Variants in MDGA2 observed in about 807,000 individuals in gnomAD.
MDGA2 encodes the protein MAM domain-containing glycosylphosphatidylinositol anchor protein 2.
MDGA2 carries 40 observed loss-of-function variants against 117.8 expected under a neutral mutation model. The ratio of observed to expected loss-of-function variants is 0.34; its 90% CI spans 0.26 to 0.44. MDGA2 has a LOEUF of 0.44. MDGA2 is among the 20% of genes least tolerant of loss of function. MDGA2 has a pLI of 1.00. For synonymous variants in MDGA2, 452 were observed against 439.0 expected (o/e 1.03, Z -0.37); for missense variants, 1,123 against 1,250.6 (o/e 0.90, Z 1.54).
intron 7 of MDGA2, chr14:47,058,802 C>T: frequency 3.0e-6 from 3 of 985,594 alleles, no homozygotes; most frequent in Non-Finnish European, 3.6e-6. Flanking sequence ...GCATCATCTT[C>T]TGTAGGCCTT....
chr14:47,202,033 A>C (rs1272125386), intron 3 of MDGA2, among the ~76,000 whole-genome samples: 2 of 152,196 alleles, frequency 1.3e-5, no homozygotes, highest in Non-Finnish European at 2.9e-5. Context: ...TTTTACACCT[A>C]AATATAAACA....
At chr14:47,549,851 G>A (rs1027070734) in intron 1 of MDGA2, among the ~76,000 whole-genome samples, 1 of 152,158 alleles carries the variant, frequency 6.6e-6, no homozygotes, top group Non-Finnish European at 1.5e-5. Flanking sequence ...GCCAAGAAGA[G>A]AGCCCTCACC....
In MDGA2 at chr14:47,280,396, T is replaced by A. The variant is rs550499049; in HGVS notation, c.420+21015A>T. 2.2e-4 allele frequency among the ~76,000 whole-genome samples: 33 copies of A among 149,068 alleles called. No homozygotes were observed. The South Asian group carries it at 6.6e-3, about 30-fold the overall frequency. ...TCATTACTCAAACAAAAAAGCAAGT[T>A]AATTCTTGTGTACAATTCATTAAAT... On this transcript the variant is annotated intron_variant, in intron 2 of 16. Coordinates refer to ENST00000399232, the MANE Select transcript of MDGA2 (RefSeq NM_001113498.3).
intron 8 of MDGA2, among the ~76,000 whole-genome samples, chr14:47,023,288 G>A (rs1888360796): frequency 6.6e-6 from 1 of 151,868 alleles, no homozygotes; most frequent in African/African-American, 2.4e-5. Flanking sequence ...GAGATCAAAG[G>A]TTGTAAAAAT....
At chr14:47,342,256 T>TTATATATATATATATATA (rs10536485) in intron 1 of MDGA2, among the ~76,000 whole-genome samples, 6 of 134,076 alleles carry the variant, frequency 4.5e-5, no homozygotes, top group African/African-American at 1.6e-4. Flanking sequence ...CACAAAATGT[T>TTATATATATATATATATA]TATATATATA....
chr14:47,077,766 C>T lies in MDGA2; in HGVS notation c.1196-16188G>A, dbSNP rs1890549040. 2.0e-5 allele frequency among the ~76,000 whole-genome samples: 3 copies of T among 151,494 alleles called. No individual in the cohort carries two copies. The South Asian group carries it at 6.2e-4, about 31-fold the overall frequency. ...TTACAATGGTAAGTCATATATTACA[C>T]AGTAAACATTACGGCAACCAAAATG... On this transcript the variant is annotated intron_variant, in intron 6 of 16. Coordinates refer to ENST00000399232, the MANE Select transcript of MDGA2 (RefSeq NM_001113498.3).
chr14:47,442,338 A>G (rs147954992), intron 1 of MDGA2, among the ~76,000 whole-genome samples: 3 of 152,250 alleles, frequency 2.0e-5, no homozygotes, highest in African/African-American at 7.2e-5. Flanking sequence ...CTGAAGAGAG[A>G]CCTACATGAG....
intron 3 of MDGA2, among the ~76,000 whole-genome samples, chr14:47,170,476 T>G (rs1884076429): frequency 6.6e-6 from 1 of 152,146 alleles, no homozygotes. Flanking sequence ...ATTGTCATTT[T>G]ATAGGTGAGA....
At chr14:46,843,295 C>A (rs1880692902) in intron 16 of MDGA2, among the ~76,000 whole-genome samples, 1 of 152,066 alleles carries the variant, frequency 6.6e-6, no homozygotes, top group South Asian at 2.1e-4. Context: ...TTGCTTTCTT[C>A]CTTTGAAAAG....
chr14:46,877,442 TG>T (rs1882277871), intron 12 of MDGA2, 46 bp downstream of exon 12: 1 of 1,058,504 alleles, frequency 9.4e-7, no homozygotes, highest in Non-Finnish European at 1.4e-6. Flanking sequence ...ATTATATTTT[TG>T]TATTTATTAA....
At chr14:47,364,614 A>G (rs552300724) in intron 1 of MDGA2, among the ~76,000 whole-genome samples, 1 of 152,360 alleles carries the variant, frequency 6.6e-6, no homozygotes, top group Admixed American at 6.5e-5. Context: ...ATGATAACCA[A>G]ATAAGCACCA....
chr14:47,626,757 G>A lies in MDGA2; in HGVS notation c.280+47760C>T, dbSNP rs186163857. The stretch of plus-strand genomic sequence containing the variant: ...CCCTTAGCTGCCTCCCAGCGAGGCA[G>A]GGCTCGGGACCTGCAGCCCGCCATG... On this transcript the variant is annotated intron_variant, in intron 1 of 16. Coordinates refer to ENST00000399232, the MANE Select transcript of MDGA2 (RefSeq NM_001113498.3). Among the ~76,000 whole-genome samples the A allele has an allele frequency of 3.3e-4, 50 of 152,304 alleles. 1 individual carries two copies. In the East Asian group the frequency reaches 9.5e-3, roughly 29 times the overall value.
chr14:47,251,449 G>A (rs1430280311), intron 2 of MDGA2, among the ~76,000 whole-genome samples: 1 of 151,374 alleles, frequency 6.6e-6, no homozygotes, highest in Non-Finnish European at 1.5e-5. Context: ...TACAGTGTAA[G>A]CACTTTATTA....
At chr14:47,159,851 T>C (rs151046049) in intron 3 of MDGA2, among the ~76,000 whole-genome samples, 3,836 of 152,268 alleles carry the variant, frequency 0.025, 146 homozygotes, top group African/African-American at 0.088. Context: ...TTATGGAGAA[T>C]CTTTTGGTTA....
chr14:47,646,546 A>G (rs1016700480), intron 1 of MDGA2, among the ~76,000 whole-genome samples: 1 of 152,122 alleles, frequency 6.6e-6, no homozygotes, highest in Non-Finnish European at 1.5e-5. Flanking sequence ...GTGAACTTGG[A>G]TATGTTATTT....
At chr14:47,550,978 G>A (rs1895569667) in intron 1 of MDGA2, among the ~76,000 whole-genome samples, 1 of 152,176 alleles carries the variant, frequency 6.6e-6, no homozygotes, top group East Asian at 1.9e-4. Context: ...GGAACATGTA[G>A]GAGGCAAACC....
chr14:47,292,012 C>T (rs993737768), intron 2 of MDGA2, among the ~76,000 whole-genome samples: 2 of 152,204 alleles, frequency 1.3e-5, no homozygotes, highest in South Asian at 4.1e-4. Context: ...TGTTAGATTA[C>T]TAGCTGCATA....
intron 8 of MDGA2, among the ~76,000 whole-genome samples, chr14:47,025,627 A>G (rs1268093979): frequency 3.3e-5 from 5 of 151,996 alleles, no homozygotes; most frequent in African/African-American, 1.2e-4. Context: ...GGAGAAGGAC[A>G]TATTACTGGA....
At chr14:47,277,076 G>C (rs72680274) in intron 2 of MDGA2, among the ~76,000 whole-genome samples, 13,832 of 152,118 alleles carry the variant, frequency 0.091, 781 homozygotes, top group Non-Finnish European at 0.11. Flanking sequence ...GCGAAGCTCT[G>C]AGCCATAAAG....
Sources: allele counts gnomAD v4.1 joint callset (sites outside exome capture counted in the v4.1 genomes callset), GRCh38; gene constraint gnomAD v4.1.1; transcripts MANE v1.5; gene names NCBI Gene and HGNC (gene_info 2026-07-23, HGNC 2026-07-21).